NBDY: variants seen among roughly 807,000 people sequenced by gnomAD.
NBDY encodes the protein negative regulator of P-body association.
chrX:56,794,673 G>A (rs1399463883), intron 2 of NBDY, among the ~76,000 whole-genome samples: 2 of 111,374 alleles, frequency 1.8e-5, no homozygotes, highest in African/African-American at 3.3e-5. Context: ...GGGGAGGGGT[G>A]TGTGGGTGAG....
intron 2 of NBDY, among the ~76,000 whole-genome samples, chrX:56,782,336 C>G (rs190681090): frequency 1.8e-5 from 2 of 110,962 alleles, no homozygotes; most frequent in Admixed American, 9.6e-5. Flanking sequence ...TCCTTCTCCT[C>G]TTCTTTTGCC....
At chrX:56,786,676 C>T (rs1159038501) in intron 2 of NBDY, among the ~76,000 whole-genome samples, 1 of 109,434 alleles carries the variant, frequency 9.1e-6, no homozygotes, top group African/African-American at 3.3e-5. Context: ...GTGCCTCTGC[C>T]TCCTCCTCCT....
intron 2 of NBDY, among the ~76,000 whole-genome samples, chrX:56,762,035 G>C (rs2069639928): frequency 9.0e-6 from 1 of 110,889 alleles, no homozygotes; most frequent in South Asian, 4.0e-4. Flanking sequence ...ACCTATTTGT[G>C]GATCAAAGCT....
At chrX:56,758,850 T>A (rs2069624306) in intron 2 of NBDY, among the ~76,000 whole-genome samples, 1 of 111,536 alleles carries the variant, frequency 9.0e-6, no homozygotes, top group Non-Finnish European at 1.9e-5. Context: ...TCAGCTCAGA[T>A]AATGAATGAG....
At chrX:56,800,745 GGATCAGCCTGCAAAA>G (rs1179753451) in intron 2 of NBDY, among the ~76,000 whole-genome samples, 1 of 111,066 alleles carries the variant, frequency 9.0e-6, no homozygotes, top group Non-Finnish European at 1.9e-5. Flanking sequence ...AGGGAGTTCA[GGATCAGCCTGCAAAA>G]GCAGGGTCGG....
At position 56,767,469 on chromosome X, in the gene NBDY, T is replaced by A. The variant is rs746467026; in HGVS notation, c.*166+35270T>A. On this transcript the variant is annotated intron_variant, in intron 2 of 2. Transcript: ENST00000374922. Reference sequence around the variant, plus strand: ...CTGGCCAAGGTCGGAGCCGGCTCCCTCAGCTTGCGGGGAGGTGTGGAGGGA... The same window carrying A: ...CTGGCCAAGGTCGGAGCCGGCTCCCACAGCTTGCGGGGAGGTGTGGAGGGA... 7.3e-3 allele frequency among the ~76,000 whole-genome samples: 824 copies of A among 113,150 alleles called. 13 individuals carry two copies. The highest frequency in any genetic ancestry group is 0.025 in the African/African-American group (784 of 31,217).
At chrX:56,791,560 C>A (rs2182788) in intron 2 of NBDY, among the ~76,000 whole-genome samples, 145 of 111,492 alleles carry the variant, frequency 1.3e-3, no homozygotes, top group African/African-American at 4.5e-3. Flanking sequence ...ATTTGTGGAT[C>A]AAAGTTTTGA....
At chrX:56,747,373 A>G (rs1480459849) in intron 2 of NBDY, among the ~76,000 whole-genome samples, 1 of 111,855 alleles carries the variant, frequency 8.9e-6, no homozygotes, top group Admixed American at 9.5e-5. Context: ...ATCAATATCT[A>G]AGCTCAGTCT....
At chrX:56,764,176 C>T (rs2069653831) in intron 2 of NBDY, among the ~76,000 whole-genome samples, 1 of 112,454 alleles carries the variant, frequency 8.9e-6, no homozygotes, top group Non-Finnish European at 1.9e-5. Flanking sequence ...TCTCCAGGTA[C>T]TGCTGGTCCT....
chrX:56,793,968 C>A (rs1392043882), intron 2 of NBDY, among the ~76,000 whole-genome samples: 1 of 112,128 alleles, frequency 8.9e-6, no homozygotes, highest in Non-Finnish European at 1.9e-5. Flanking sequence ...TCGGAGCTGC[C>A]CACAAAAGAG....
intron 2 of NBDY, among the ~76,000 whole-genome samples, chrX:56,789,922 C>T (rs1296486264): frequency 9.0e-6 from 1 of 111,284 alleles, no homozygotes; most frequent in Non-Finnish European, 1.9e-5. Context: ...TCCTGTTCTG[C>T]GTGTCGAAAT....
At chrX:56,739,280 AT>A (rs1295165969) in intron 2 of NBDY, among the ~76,000 whole-genome samples, 1 of 68,901 alleles carries the variant, frequency 1.5e-5, no homozygotes, top group Non-Finnish European at 2.5e-5. Flanking sequence ...ATATATATAT[AT>A]TTTTATATAT....
rs2069579746 is a variant in NBDY at position 56,750,570 on chromosome X, G to C, written c.*166+18371G>C. ...ACCTGCCTGCTCTTTCTGTGTGATT[G>C]CCTTATCACCTTAGACTGAATGTTA... On this transcript the variant is annotated intron_variant, in intron 2 of 2. Coordinates refer to ENST00000374922, the MANE Select transcript of NBDY (RefSeq NM_001348129.2). Among the ~76,000 whole-genome samples, 5 of 111,118 alleles carry C rather than the reference G, an allele frequency of 4.5e-5. No individual in the cohort carries two copies. In the South Asian group the frequency reaches 1.5e-3, roughly 34 times the overall value.
rs2069917385 is a variant in NBDY, at chrX:56,817,769, A to G, written c.*616A>G. 1 of 111,826 alleles carries G rather than the reference A, an allele frequency of 8.9e-6. No homozygotes were observed. The allele number at this position is 111,826 out of a possible 1,213,427, so 9.2% of individuals were successfully genotyped here. ...AGGAAAGTAGAGGAAGGTTAAATCC[A>G]AAAAAGAATTGTTTCCAGTACACTT... On this transcript the variant is annotated 3_prime_UTR_variant, in exon 3 of 3. Coordinates refer to ENST00000374922, the MANE Select transcript of NBDY (RefSeq NM_001348129.2).
At chrX:56,736,828 G>A (rs763528228) in intron 2 of NBDY, among the ~76,000 whole-genome samples, 2 of 111,892 alleles carry the variant, frequency 1.8e-5, no homozygotes, top group Non-Finnish European at 3.8e-5. Flanking sequence ...TTAAATGATA[G>A]GATGCAAAAT....
At chrX:56,803,135 G>T (rs1250475441) in intron 2 of NBDY, among the ~76,000 whole-genome samples, 1 of 110,684 alleles carries the variant, frequency 9.0e-6, no homozygotes, top group Non-Finnish European at 1.9e-5. Flanking sequence ...GCGGTGTGGG[G>T]CCCCCAGGCT....
At chrX:56,795,380 G>C (rs770801001) in intron 2 of NBDY, among the ~76,000 whole-genome samples, 2 of 111,932 alleles carry the variant, frequency 1.8e-5, no homozygotes, top group African/African-American at 6.5e-5. Context: ...AAAGCCTGAC[G>C]TGGTCCATCA....
intron 2 of NBDY, among the ~76,000 whole-genome samples, chrX:56,755,765 A>G (rs1178219089): frequency 9.2e-6 from 1 of 108,946 alleles, no homozygotes; most frequent in Non-Finnish European, 1.9e-5. Context: ...TAGAAATACC[A>G]TTTGACCCAG....
intron 2 of NBDY, among the ~76,000 whole-genome samples, chrX:56,760,470 G>A (rs972864007): frequency 4.4e-5 from 5 of 112,577 alleles, no homozygotes; most frequent in African/African-American, 1.6e-4. Context: ...CAGATCACTT[G>A]AGGTCAGGAG....
Sources: gnomAD v4.1 joint callset for allele counts (sites outside exome capture counted in the v4.1 genomes callset) on GRCh38, gnomAD v4.1.1 for gene constraint, MANE v1.5 for transcripts, NCBI Gene and HGNC (gene_info 2026-07-23, HGNC 2026-07-21) for gene names.